TXNDC16: variants seen among roughly 807,000 people sequenced by gnomAD.
TXNDC16 encodes the protein thioredoxin domain containing 16.
A neutral mutation model predicts 85.6 loss-of-function variants in TXNDC16; 74 were observed. The ratio of observed to expected loss-of-function variants is 0.86; its 90% CI spans 0.72 to 1.05. TXNDC16 has a LOEUF of 1.05. Ranked by LOEUF, TXNDC16 falls within the 50% of genes least tolerant of loss-of-function variation. The pLI is 0.00. For missense variants in TXNDC16, 959 were observed against 947.0 expected (o/e 1.01, Z -0.17); for synonymous variants, 335 against 326.5 (o/e 1.03, Z -0.28).
intron 6 of TXNDC16, among the ~76,000 whole-genome samples, chr14:52,533,624 A>G (rs990503643): frequency 2.0e-5 from 3 of 152,232 alleles, no homozygotes; most frequent in Non-Finnish European, 4.4e-5. Context: ...ACTTACTAGG[A>G]AAGTGCAAAC....
At chr14:52,483,025 T>A in intron 12 of TXNDC16, 60 bp from the exon 13 acceptor site, 1 of 1,382,770 alleles carries the variant, frequency 7.2e-7, no homozygotes, top group Non-Finnish European at 9.8e-7. Context: ...CTATTTAAGC[T>A]CTTCTCATAG....
chr14:52,534,374 C>G (rs1249211188), intron 6 of TXNDC16, among the ~76,000 whole-genome samples: 1 of 152,128 alleles, frequency 6.6e-6, no homozygotes, highest in Non-Finnish European at 1.5e-5. Flanking sequence ...AACACAAATT[C>G]GTAAACTTTC....
intron 16 of TXNDC16, among the ~76,000 whole-genome samples, chr14:52,469,746 A>T (rs1373082874): frequency 6.6e-6 from 1 of 152,188 alleles, no homozygotes; most frequent in East Asian, 1.9e-4. Flanking sequence ...TGTCTCAAAA[A>T]AACAAAACAA....
At chr14:52,489,339 C>A (rs2036348589) in intron 11 of TXNDC16, among the ~76,000 whole-genome samples, 1 of 152,078 alleles carries the variant, frequency 6.6e-6, no homozygotes, top group South Asian at 2.1e-4. Flanking sequence ...AGATTTATTT[C>A]ACTATTGCCC....
In TXNDC16 at chr14:52,521,440, ATATCT is replaced by A. The variant is rs528528460; in HGVS notation, c.393-2152_393-2148del. On this transcript the variant is annotated intron_variant, in intron 6 of 20. Coordinates refer to ENST00000281741, the MANE Select transcript of TXNDC16 (RefSeq NM_020784.3). ...CTGGCCTTGTTTTACATTTTTGCAAATATCTTTAATTCGGACTAAATAGAAGACAG... is the reference window on the plus strand; with the variant it reads ...CTGGCCTTGTTTTACATTTTTGCAAATTAATTCGGACTAAATAGAAGACAG... Among the ~76,000 whole-genome samples the A allele has an allele frequency of 2.2e-3, 338 of 152,076 alleles. 2 individuals are homozygous for A. Among genetic ancestry groups the A allele is most frequent in the African/African-American group, 7.9e-3 (327 of 41,476 alleles).
intron 9 of TXNDC16, among the ~76,000 whole-genome samples, chr14:52,500,537 T>C (rs1487566438): frequency 1.3e-5 from 2 of 152,198 alleles, no homozygotes; most frequent in African/African-American, 4.8e-5. Flanking sequence ...AGACCTGCTG[T>C]ACAACAACGT....
At chr14:52,442,558 G>T (rs2035191516) in intron 18 of TXNDC16, among the ~76,000 whole-genome samples, 1 of 152,068 alleles carries the variant, frequency 6.6e-6, no homozygotes, top group African/African-American at 2.4e-5. Context: ...GCTTGCATTT[G>T]CCCATTCTCA....
intron 6 of TXNDC16, among the ~76,000 whole-genome samples, chr14:52,529,547 TATAATATATATAATGCCTATTATATATAA>T: frequency 1.0e-5 from 1 of 97,656 alleles, no homozygotes; most frequent in East Asian, 3.3e-4. Context: ...GCCTATTATA[TATAATATATATAATGCCTATTATATATAA>T]TATATATAAT....
chr14:52,468,858 T>C (rs546672975), intron 16 of TXNDC16, among the ~76,000 whole-genome samples: 1 of 151,196 alleles, frequency 6.6e-6, no homozygotes, highest in South Asian at 2.1e-4. Context: ...ACCTGGGCAA[T>C]AGGGCGAGAC....
chr14:52,454,898 A>T (rs999176270), intron 18 of TXNDC16, among the ~76,000 whole-genome samples: 4 of 152,216 alleles, frequency 2.6e-5, no homozygotes, highest in African/African-American at 9.6e-5. Context: ...CTATCAAATC[A>T]TGTCTCATTC....
chr14:52,530,452 ATAATAAT>A (rs2037515949), intron 6 of TXNDC16, among the ~76,000 whole-genome samples: 54 of 15,010 alleles, frequency 3.6e-3, no homozygotes, highest in East Asian at 0.017. Context: ...ATATTATTAT[ATAATAAT>A]ATATATTATA....
intron 20 of TXNDC16, among the ~76,000 whole-genome samples, chr14:52,433,031 T>C (rs1029964693): frequency 1.3e-5 from 2 of 152,208 alleles, no homozygotes; most frequent in African/African-American, 2.4e-5. Context: ...TTGGAACATA[T>C]GTAATTATTT....
chr14:52,455,230 C>T, intron 18 of TXNDC16, 94 bp downstream of exon 18: 1 of 1,463,822 alleles, frequency 6.8e-7, no homozygotes, highest in South Asian at 1.3e-5. Context: ...TGCCCTGTAC[C>T]AGCAAAAAAT....
In TXNDC16 at chr14:52,537,652, T is replaced by A. The variant is rs150765940; in HGVS notation, c.264A>T (p.Glu88Asp). The A allele has an allele frequency of 3.2e-5, 50 of 1,586,906 alleles. No individual in the cohort carries two copies. The African/African-American group carries it at 5.8e-4, about 18-fold the overall frequency. ...TTTCTTTTCCACAGTATCTTGATAT[T>A]TCTTCTTTGACACAATTAACCTTTA... ...SVAKVNCVKE[E>D]ISRYCGKEKD... Residue 88 changes from glutamate to aspartate, a missense_variant, in exon 5 of 21, where the codon GAA becomes GAT. Transcript: ENST00000281741.
At position 52,543,385 on chromosome 14, in the gene TXNDC16, T is replaced by C. The variant is rs758509682; in HGVS notation, c.160+13A>G. Reference sequence around the variant, plus strand: ...CATCACAAGAATCATATTAGAATTTTAAAAATACTTACCAGCTTGACAAAA... The same window carrying C: ...CATCACAAGAATCATATTAGAATTTCAAAAATACTTACCAGCTTGACAAAA... On this transcript the variant is annotated intron_variant, in intron 3 of 20. Coordinates refer to ENST00000281741, the MANE Select transcript of TXNDC16 (RefSeq NM_020784.3). 5 of 1,593,300 alleles carry C rather than the reference T, an allele frequency of 3.1e-6. No homozygotes were observed. The South Asian group carries it at 4.6e-5, about 15-fold the overall frequency.
At position 52,470,495 on chromosome 14, in the gene TXNDC16, T is replaced by G; in HGVS notation, c.1481+17A>C. 1.2e-6 allele frequency: 2 copies of G among 1,603,290 alleles called. No homozygotes were observed. The highest frequency in any genetic ancestry group is 1.7e-6 in the Non-Finnish European group (2 of 1,176,114). On this transcript the variant is annotated intron_variant, in intron 15 of 20. Transcript: ENST00000281741. ...ACCTAAACATTCAGAGATCTTATAA[T>G]GAAGCTGAATACTTACAGCTGGATA...
At position 52,488,494 on chromosome 14, in the gene TXNDC16, T is replaced by C. The variant is rs759001415; in HGVS notation, c.985-8A>G. ...AAATTCCACTGGAACTCCCTAGAAA[T>C]ACATTAATTTTTAAAAAATGAATAT... On this transcript the variant is annotated splice_region_variant and splice_polypyrimidine_tract_variant and intron_variant, in intron 11 of 20. Coordinates refer to ENST00000281741, the MANE Select transcript of TXNDC16 (RefSeq NM_020784.3). 3 of 1,579,356 alleles carry C rather than the reference T, an allele frequency of 1.9e-6. No individual in the cohort carries two copies. The highest frequency in any genetic ancestry group is 2.6e-6 in the Non-Finnish European group (3 of 1,155,762).
intron 14 of TXNDC16, among the ~76,000 whole-genome samples, chr14:52,481,359 T>A (rs968315080): frequency 4.0e-5 from 6 of 151,886 alleles, no homozygotes; most frequent in South Asian, 2.1e-4. Context: ...TAAAAAAAAA[T>A]TTTAAAAAAG....
chr14:52,457,319 G>C (rs2035558045), intron 16 of TXNDC16, 145 bp from the exon 17 acceptor site: 2 of 484,264 alleles, frequency 4.1e-6, no homozygotes, highest in South Asian at 7.2e-5. Context: ...ATAATTTAGT[G>C]GTTCCAAAAT....
Sources: allele counts gnomAD v4.1 joint callset (sites outside exome capture counted in the v4.1 genomes callset), GRCh38; gene constraint gnomAD v4.1.1; transcripts MANE v1.5; gene names NCBI Gene and HGNC (gene_info 2026-07-23, HGNC 2026-07-21).